MAST2: variants seen among roughly 807,000 people sequenced by gnomAD.
MAST2 encodes microtubule associated serine/threonine kinase 2.
MAST2 carries 70 observed loss-of-function variants against 147.4 expected under a neutral mutation model. That is an observed-to-expected ratio of 0.47 (90% CI 0.39 to 0.58). The LOEUF is 0.58. MAST2 is among the 20% of genes least tolerant of loss of function. The pLI is 0.00. For synonymous variants in MAST2, 869 were observed against 896.8 expected (o/e 0.97, Z 0.55); for missense variants, 2,080 against 2,302.3 (o/e 0.90, Z 1.98).
chr1:45,936,783 C>T (rs190765930), intron 4 of MAST2, among the ~76,000 whole-genome samples: 14 of 152,270 alleles, frequency 9.2e-5, no homozygotes, highest in African/African-American at 3.1e-4. Flanking sequence ...TCATCATCAT[C>T]TTGTGGCCTC....
intron 2 of MAST2, among the ~76,000 whole-genome samples, chr1:45,828,792 T>C (rs7515265): frequency 1 from 151,977 of 152,222 alleles, 75,870 homozygotes; most frequent in Middle Eastern, 1. Context: ...GGTGTGGTGG[T>C]GCATGCCTGT....
At chr1:45,946,109 G>C (rs1167654982) in intron 4 of MAST2, among the ~76,000 whole-genome samples, 1 of 152,254 alleles carries the variant, frequency 6.6e-6, no homozygotes, top group East Asian at 1.9e-4. Flanking sequence ...CATGTATCAG[G>C]CACTGTCCTG....
Position 45,909,272 on chromosome 1 carries a change from T to C in MAST2, c.500+26877T>C, listed in dbSNP as rs1028034729. Among the ~76,000 whole-genome samples, 3 of 152,308 alleles carry C rather than the reference T, an allele frequency of 2.0e-5. No homozygotes were observed. The Middle Eastern group carries it at 0.01, about 518-fold the overall frequency. The stretch of plus-strand genomic sequence containing the variant: ...TATCTTTTTCTCACTTTATTATCAG[T>C]TAAATAAATAATTTCATTTAAGGCT... On this transcript the variant is annotated intron_variant, in intron 4 of 28. Coordinates refer to ENST00000361297, the MANE Select transcript of MAST2 (RefSeq NM_015112.3).
Position 45,804,012 on chromosome 1 carries a change from G to GC in MAST2, c.120dup (p.Gly41ArgfsTer26), listed in dbSNP as rs1346201215. On this transcript the variant is annotated frameshift_variant, in exon 1 of 29. Transcript: ENST00000361297. LOFTEE classifies it high-confidence loss of function. ...CTTTGCCGCCGCGCCGGCGAGCGCCGCCCGGGAGGCAGCGGCTGGAGGAGC... is the reference window on the plus strand; with the variant it reads ...CTTTGCCGCCGCGCCGGCGAGCGCCGCCCCGGGAGGCAGCGGCTGGAGGAGC... The GC allele has an allele frequency of 8.3e-7, 1 of 1,199,950 alleles. No individual in the cohort carries two copies. The highest frequency in any genetic ancestry group is 1.6e-5 in the African/African-American group (1 of 62,830). 74.3% of individuals were successfully genotyped at this position (1,199,950 alleles called of 1,614,324 possible).
intron 4 of MAST2, chr1:45,913,917 T>G (rs1181559822): frequency 2.5e-6 from 3 of 1,179,312 alleles, no homozygotes; most frequent in Non-Finnish European, 3.2e-6. Flanking sequence ...CTGGCAGATG[T>G]CAGGAAAAAA....
At chr1:45,948,997 G>A (rs1658529254) in intron 4 of MAST2, among the ~76,000 whole-genome samples, 1 of 152,112 alleles carries the variant, frequency 6.6e-6, no homozygotes, top group African/African-American at 2.4e-5. Context: ...TCCCTATTCA[G>A]TAAGTGGTTC....
At chr1:45,882,012 TAAAAAAAAAAAAAAAA>T (rs71062722) in intron 3 of MAST2, among the ~76,000 whole-genome samples, 1 of 39,834 alleles carries the variant, frequency 2.5e-5, no homozygotes, top group East Asian at 1.2e-3. Context: ...CCGTCTCTAC[TAAAAAAAAAAAAAAAA>T]AAAAAAAAAA....
rs1211129554 is a variant in MAST2 at position 45,889,740 on chromosome 1, G to A, written c.500+7345G>A. Among the ~76,000 whole-genome samples, 5 of 151,850 alleles carry A rather than the reference G, an allele frequency of 3.3e-5. No homozygotes were observed. The East Asian group carries it at 9.7e-4, about 29-fold the overall frequency. The stretch of plus-strand genomic sequence containing the variant: ...CTTGTCTCAGCCTCCTGAGTAGCTG[G>A]GACTACAGGTGCACGCCATGACACC... On this transcript the variant is annotated intron_variant, in intron 4 of 28. Coordinates refer to ENST00000361297, the MANE Select transcript of MAST2 (RefSeq NM_015112.3).
intron 10 of MAST2, among the ~76,000 whole-genome samples, chr1:46,016,835 A>G (rs1399026305): frequency 2.0e-5 from 3 of 152,320 alleles, no homozygotes; most frequent in Admixed American, 6.5e-5. Flanking sequence ...TTTAAAGTTC[A>G]TATGGAACCA....
intron 4 of MAST2, among the ~76,000 whole-genome samples, chr1:45,918,159 A>G (rs966550804): frequency 5.3e-5 from 8 of 152,214 alleles, no homozygotes; most frequent in African/African-American, 1.9e-4. Flanking sequence ...GTAGGATAAG[A>G]GAATGTAGAG....
At chr1:45,927,887 A>G (rs1159123677) in intron 4 of MAST2, among the ~76,000 whole-genome samples, 1 of 152,222 alleles carries the variant, frequency 6.6e-6, no homozygotes, top group Admixed American at 6.5e-5. Context: ...AAAAGTATTA[A>G]TTTGGGGAAC....
chr1:45,814,851 T>C (rs1644406341), intron 1 of MAST2, among the ~76,000 whole-genome samples: 1 of 152,228 alleles, frequency 6.6e-6, no homozygotes, highest in South Asian at 2.1e-4. Context: ...TGTTCTTTTA[T>C]TTTATTCAGC....
intron 10 of MAST2, among the ~76,000 whole-genome samples, chr1:46,018,872 A>C (rs1646066614): frequency 6.6e-6 from 1 of 152,188 alleles, no homozygotes; most frequent in Admixed American, 6.5e-5. Flanking sequence ...CACGCCCAGA[A>C]CTGAGCTTAT....
chr1:45,917,809 T>TA (rs1457386118), intron 4 of MAST2, among the ~76,000 whole-genome samples: 1 of 152,162 alleles, frequency 6.6e-6, no homozygotes, highest in Non-Finnish European at 1.5e-5. Context: ...GACCACCCCA[T>TA]AGCATGGCAG....
At chr1:45,819,273 T>C (rs528944486) in intron 1 of MAST2, among the ~76,000 whole-genome samples, 53 of 147,770 alleles carry the variant, frequency 3.6e-4, no homozygotes, top group Non-Finnish European at 1.8e-4. Context: ...AAAAAAAGAA[T>C]GTATTCCAAT....
At chr1:45,933,879 CCTT>C (rs2148734938) in intron 4 of MAST2, among the ~76,000 whole-genome samples, 1 of 151,354 alleles carries the variant, frequency 6.6e-6, no homozygotes, top group East Asian at 2.0e-4. Context: ...AATATTGTAT[CCTT>C]CTACTTTAAT....
chr1:46,032,399 G>A lies in MAST2; in HGVS notation c.3409G>A (p.Val1137Met), dbSNP rs200067664. The A allele has an allele frequency of 1.2e-3, 1,975 of 1,614,144 alleles. 2 individuals carry two copies. The highest frequency in any genetic ancestry group is 1.8e-3 in the Admixed American group (110 of 60,022). ...CGATGTCTACACCGTGCACCATATG[G>A]TGTGGGTATGTCTGACCATCCAGAC... Reference protein sequence around the residue: ...DSDVYTVHHMVWHVEDGGPAS... With the variant: ...DSDVYTVHHMMWHVEDGGPAS... The change falls in exon 25 of 29, where the codon GTG becomes ATG. Residue 1137 changes from valine (V) to methionine (M), a missense_variant. Around this residue, in one of 4 missense-constraint regions of MAST2, gnomAD observed 1,278 missense variants for 1,304.2 expected, o/e 0.98. Coordinates refer to ENST00000361297, the MANE Select transcript of MAST2 (RefSeq NM_015112.3).
intron 3 of MAST2, among the ~76,000 whole-genome samples, chr1:45,865,393 G>A (rs1022059944): frequency 6.6e-6 from 1 of 152,184 alleles, no homozygotes; most frequent in Non-Finnish European, 1.5e-5. Flanking sequence ...AATCAGACCT[G>A]TATGGGATAC....
chr1:46,018,925 C>T (rs1646068893), intron 10 of MAST2, among the ~76,000 whole-genome samples: 1 of 152,210 alleles, frequency 6.6e-6, no homozygotes, highest in African/African-American at 2.4e-5. Flanking sequence ...AAATGCAGTA[C>T]ATTCTTTACC....
Sources: allele counts gnomAD v4.1 joint callset (sites outside exome capture counted in the v4.1 genomes callset), GRCh38; gene constraint gnomAD v4.1.1; regional missense constraint gnomAD v4.1.1; transcripts MANE v1.5; gene names NCBI Gene and HGNC (gene_info 2026-07-23, HGNC 2026-07-21).